The following ARL10 variants were observed in gnomAD, a reference collection of about 807,000 sequenced individuals.
The protein encoded by ARL10 is ADP-ribosylation factor-like protein 10.
A neutral mutation model predicts 26.1 loss-of-function variants in ARL10; 23 were observed. The observed-to-expected ratio is 0.88, with a 90% CI of 0.63 to 1.25. The LOEUF (loss-of-function observed/expected upper bound fraction) is 1.25, where lower values mean the gene tolerates loss of function less well. Ranked by LOEUF, ARL10 falls within the 50% of genes most tolerant of loss-of-function variation. The pLI, the probability that ARL10 is intolerant of heterozygous loss-of-function variation, is 0.00. For synonymous variants in ARL10, 138 were observed against 149.1 expected (o/e 0.93, Z 0.54); for missense variants, 300 against 323.6 (o/e 0.93, Z 0.56).
the ARL10 span, among the ~76,000 whole-genome samples, chr5:176,414,495 GATCACAGCACAC>G: frequency 9.4e-5 from 14 of 148,438 alleles, no homozygotes; most frequent in Non-Finnish European, 1.9e-4. Flanking sequence ...ACAGAGACGT[GATCACAGCACAC>G]GGCGACCTAC....
chr5:176,388,513 C>A, exon 2 of ARL10: 2 of 1,613,544 alleles, frequency 1.2e-6, no homozygotes, highest in Non-Finnish European at 8.5e-7. Flanking sequence ...ACTTCTGCCT[C>A]CGGGTTTTGC....
At position 176,372,699 on chromosome 5, in the gene ARL10, C is replaced by A. The variant is rs1768582919; in HGVS notation, c.*804C>A. The A allele has an allele frequency of 2.6e-6, 1 of 391,218 alleles. No individual in the cohort carries two copies. The highest frequency in any genetic ancestry group is 4.4e-5 in the Admixed American group (1 of 22,500). 24.2% of individuals were successfully genotyped at this position (391,218 alleles called of 1,614,324 possible). On this transcript the variant is annotated 3_prime_UTR_variant, in exon 4 of 4. Transcript: ENST00000310389. Reference sequence around the variant, plus strand: ...AGCTGCTGCTCTCGTACTAACTGTGCCAGTGCCCATGTTTACAGAAGTCAG... The same window carrying A: ...AGCTGCTGCTCTCGTACTAACTGTGACAGTGCCCATGTTTACAGAAGTCAG...
rs1768431847 is a variant in ARL10 at position 176,368,975 on chromosome 5, A to G, written c.554A>G (p.Asn185Ser). ...GACCTGCCTGTCGTCGTGGTGGCCA[A>G]CAAGCAGGTGAGGGCTGTGAGAGGG... Reference protein sequence around the residue: ...DPDLPVVVVANKQDLSEAMSM... With the variant: ...DPDLPVVVVASKQDLSEAMSM... Residue 185 changes from asparagine (N) to serine (S), a missense_variant, in exon 3 of 4, where the codon AAC becomes AGC. Asn to Ser is a conservative substitution (Grantham distance 46). Coordinates refer to ENST00000310389, the MANE Select transcript of ARL10 (RefSeq NM_173664.6). This position sits in a 1 kb window ranked among gnomAD's most constrained non-coding sequence, Gnocchi z 4.1. The G allele has an allele frequency of 6.2e-7, 1 of 1,613,880 alleles. No homozygotes were observed. The highest frequency in any genetic ancestry group is 1.3e-5 in the African/African-American group (1 of 74,916).
At position 176,396,990 on chromosome 5, in the gene ARL10, C is replaced by G. The variant is rs574187175; in HGVS notation, c.134-4751C>G. 8.5e-5 allele frequency among the ~76,000 whole-genome samples: 13 copies of G among 152,254 alleles called. No individual in the cohort carries two copies. In the East Asian group the frequency reaches 2.5e-3, roughly 29 times the overall value. On this transcript the variant is annotated intron_variant, in intron 1 of 1. Coordinates refer to the ARL10 transcript ENST00000514533. ...TTTTCCTCCTAGTCATCTTCCAAAG[C>G]CCAAGTCCCAAGACACAGAGGTCTC...
At chr5:176,369,240 G>GA in intron 3 of ARL10, 1 of 1,268,468 alleles carries the variant, frequency 7.9e-7, no homozygotes, top group Non-Finnish European at 1.0e-6. Context: ...TTTTGTTTTT[G>GA]TTTTTTTTTT....
At chr5:176,389,270 A>G, downstream of ARL10, 2 of 1,551,292 alleles carry the variant, frequency 1.3e-6, no homozygotes, top group Non-Finnish European at 1.7e-6. Context: ...CGAGACCCAA[A>G]GCGGGGAATG....
At chr5:176,392,801 G>A, downstream of ARL10, 1 of 1,614,214 alleles carries the variant, frequency 6.2e-7, no homozygotes, top group African/African-American at 1.3e-5. This position sits in a 1 kb window ranked among gnomAD's most constrained non-coding sequence, Gnocchi z 5.2. Flanking sequence ...TCTGCTTCAG[G>A]GACATGAGCA....
chr5:176,389,394 A>C (rs1472015198), downstream of ARL10: 1 of 1,614,034 alleles, frequency 6.2e-7, no homozygotes, highest in African/African-American at 1.3e-5. Flanking sequence ...GGCAACAGCC[A>C]GCGCTCTCAG....
At position 176,393,847 on chromosome 5, in the gene ARL10, G is replaced by A. The variant is rs72807218; in HGVS notation, c.134-7894G>A. Among the ~76,000 whole-genome samples, 14 of 152,330 alleles carry A rather than the reference G, an allele frequency of 9.2e-5. No individual in the cohort carries two copies. Among genetic ancestry groups the A allele is most frequent in the Non-Finnish European group, 2.1e-4 (14 of 68,036 alleles). ...GGACTCACTAACAGAAAGACAATAAGGGATTCTTAGGTGAGGAGAGCTGGG... is the reference window on the plus strand; with the variant it reads ...GGACTCACTAACAGAAAGACAATAAAGGATTCTTAGGTGAGGAGAGCTGGG... On this transcript the variant is annotated intron_variant, in intron 1 of 1. Transcript: ENST00000514533. This position sits in a 1 kb window ranked among gnomAD's most constrained non-coding sequence, Gnocchi z 4.4.
At chr5:176,411,507 C>A in the ARL10 span, among the ~76,000 whole-genome samples, 3 of 152,212 alleles carry the variant, frequency 2.0e-5, no homozygotes, top group African/African-American at 7.2e-5. Flanking sequence ...TGACCACACC[C>A]CCATCCACCC....
In ARL10 at chr5:176,372,828, G is replaced by A. The variant is rs1768586070; in HGVS notation, c.*933G>A. 1.3e-5 allele frequency: 5 copies of A among 398,620 alleles called. No homozygotes were observed. In the East Asian group the frequency reaches 1.4e-4, roughly 11 times the overall value. The allele number at this position is 398,620 out of a possible 1,614,324, so 24.7% of individuals were successfully genotyped here. ...TAATTTATAAGCAGAACAGGCCAGA[G>A]TTCTAGGCTCTGTTTCTAGGTGCTG... On this transcript the variant is annotated 3_prime_UTR_variant, in exon 4 of 4. Transcript: ENST00000310389.
intron 1 of ARL10, chr5:176,396,448 C>T (rs1418485184): frequency 1.9e-6 from 3 of 1,586,600 alleles, no homozygotes; most frequent in South Asian, 2.2e-5. Flanking sequence ...CTCTCTAGCT[C>T]CCCCAACAGA....
chr5:176,390,051 G>C (rs1445823599), downstream of ARL10, among the ~76,000 whole-genome samples: 1 of 151,912 alleles, frequency 6.6e-6, no homozygotes, highest in Non-Finnish European at 1.5e-5. Flanking sequence ...GCGTGGTGTT[G>C]CGTGCCTGTA....
rs1293569763 is a variant in ARL10, at chr5:176,375,238, ATCCATCCATCCT to A, written c.*3355_*3366del. The stretch of plus-strand genomic sequence containing the variant: ...CACCCATCCACCCATCCATCCATCC[ATCCATCCATCCT>A]TCCATCCATCCACCCATCCACCCAT... On this transcript the variant is annotated 3_prime_UTR_variant, in exon 4 of 4. Coordinates refer to ENST00000310389, the MANE Select transcript of ARL10 (RefSeq NM_173664.6). The A allele has an allele frequency of 3.3e-5, 4 of 121,130 alleles. No individual in the cohort carries two copies. The highest frequency in any genetic ancestry group is 1.2e-4 in the African/African-American group (4 of 32,600). 7.5% of individuals were successfully genotyped at this position (121,130 alleles called of 1,614,324 possible).
downstream of ARL10, among the ~76,000 whole-genome samples, chr5:176,383,206 C>T (rs1755594417): frequency 6.6e-6 from 1 of 152,234 alleles, no homozygotes; most frequent in Admixed American, 6.5e-5. Context: ...CAAGATTTCA[C>T]ATGAAATGAT....
At chr5:176,394,619 C>A (rs62402495) in intron 1 of ARL10, among the ~76,000 whole-genome samples, 2 of 151,646 alleles carry the variant, frequency 1.3e-5, no homozygotes, top group Non-Finnish European at 2.9e-5. Flanking sequence ...TGGAGAGCAT[C>A]CTGGCTAACA....
At chr5:176,385,129 C>G (rs112572961), downstream of ARL10, 2 of 791,190 alleles carry the variant, frequency 2.5e-6, no homozygotes, top group Admixed American at 1.7e-5. Flanking sequence ...TCTTTGCACT[C>G]GGTTTCAGGA....
chr5:176,406,614 C>G (rs1581439984), downstream of ARL10: 3 of 1,289,394 alleles, frequency 2.3e-6, no homozygotes, highest in Non-Finnish European at 3.0e-6. Context: ...CTGCCCCTGG[C>G]TGTGCCAAAT....
downstream of ARL10, among the ~76,000 whole-genome samples, chr5:176,404,607 T>A (rs1757010927): frequency 6.6e-6 from 1 of 152,154 alleles, no homozygotes; most frequent in Admixed American, 6.5e-5. Context: ...CCCCACGGTG[T>A]CCTGCCCCAG....
Sources: allele counts gnomAD v4.1 joint callset (sites outside exome capture counted in the v4.1 genomes callset), GRCh38; gene constraint gnomAD v4.1.1; non-coding constraint Gnocchi (gnomAD v3.1); transcripts MANE v1.5; gene names NCBI Gene and HGNC (gene_info 2026-07-23, HGNC 2026-07-21).